Variants in SYNDIG1L observed in about 807,000 individuals in gnomAD.
SYNDIG1L encodes synapse differentiation inducing 1 like.
Under a neutral mutation model 20.1 loss-of-function variants are expected in SYNDIG1L, and 13 were observed. The ratio of observed to expected loss-of-function variants is 0.65; its 90% CI spans 0.42 to 1.03. SYNDIG1L has a LOEUF of 1.03. Ranked by LOEUF, SYNDIG1L falls within the 50% of genes least tolerant of loss-of-function variation. The pLI is 0.00. For missense variants in SYNDIG1L, 294 were observed against 305.1 expected (o/e 0.96, Z 0.27); for synonymous variants, 128 against 129.3 (o/e 0.99, Z 0.07).
In SYNDIG1L at chr14:74,407,628, G is replaced by A. The variant is rs367699987; in HGVS notation, c.624C>T (p.Phe208=). The change falls in exon 4 of 4, where the codon TTC becomes TTT. Residue 208 remains phenylalanine, a synonymous_variant. Coordinates refer to ENST00000331628, the MANE Select transcript of SYNDIG1L (RefSeq NM_001105579.2). The part of the protein sequence containing the change: ...LASTTSRRAL[F]LATLAIAVGA... Reference sequence around the variant, plus strand: ...CCACGGCGATGGCGAGTGTGGCTAGGAAGAGGGCCCGGCGGGAGGTGGTGC... The same window carrying A: ...CCACGGCGATGGCGAGTGTGGCTAGAAAGAGGGCCCGGCGGGAGGTGGTGC... 687 of 1,614,032 alleles carry A rather than the reference G, an allele frequency of 4.3e-4. 2 individuals are homozygous for A. The South Asian group carries it at 6.9e-3, about 16-fold the overall frequency.
rs774583740 is a variant in SYNDIG1L, at chr14:74,409,391, C to A, written c.354G>T (p.Gln118His). ...PGQAAENVTIQTVSYGVQEEL... is the reference protein window; with the variant it reads ...PGQAAENVTIHTVSYGVQEEL... ...CCTCTTGTACCCCATAGGACACAGT[C>A]TGGATGGTGACATTCTCTGCAGCTT... Residue 118 changes from glutamine to histidine, a missense_variant, in exon 2 of 4, where the codon CAG (glutamine) becomes CAT (histidine). Gln to His is a conservative substitution (Grantham distance 24, BLOSUM62 0). Coordinates refer to ENST00000331628, the MANE Select transcript of SYNDIG1L (RefSeq NM_001105579.2). 6.8e-6 allele frequency: 11 copies of A among 1,612,564 alleles called. No individual in the cohort carries two copies. The highest frequency in any genetic ancestry group is 9.3e-6 in the Non-Finnish European group (11 of 1,179,468).
the SYNDIG1L span, among the ~76,000 whole-genome samples, chr14:74,437,952 A>G: frequency 5.3e-5 from 8 of 152,314 alleles, no homozygotes; most frequent in South Asian, 1.7e-3. Context: ...AATGATAGAA[A>G]GAAGCTGGGA....
rs760974046 is a variant in SYNDIG1L at position 74,407,661 on chromosome 14, G to T, written c.591C>A (p.Arg197=). 1 of 1,612,362 alleles carries T rather than the reference G, an allele frequency of 6.2e-7. No homozygotes were observed. Among genetic ancestry groups the T allele is most frequent in the East Asian group, 2.2e-5 (1 of 44,874 alleles). ...TSKAISKGDF[R]LASTTSRRAL... is the part of the protein sequence containing the mutation. Reference sequence around the variant, plus strand: ...CCCGGCGGGAGGTGGTGCTGGCCAGGCGGAAGTCCCCTTTGGAGATGGCCT... The same window carrying T: ...CCCGGCGGGAGGTGGTGCTGGCCAGTCGGAAGTCCCCTTTGGAGATGGCCT... The change falls in exon 4 of 4, where the codon CGC becomes CGA. Residue 197 remains arginine (R), a synonymous_variant. Coordinates refer to ENST00000331628, the MANE Select transcript of SYNDIG1L (RefSeq NM_001105579.2).
At chr14:74,426,509 A>C (rs957783488), upstream of SYNDIG1L, among the ~76,000 whole-genome samples, 1 of 152,160 alleles carries the variant, frequency 6.6e-6, no homozygotes, top group African/African-American at 2.4e-5. Flanking sequence ...TTCTTGAAGC[A>C]TTTTGGAGCT....
chr14:74,452,316 C>T, the SYNDIG1L span, among the ~76,000 whole-genome samples: 1 of 152,126 alleles, frequency 6.6e-6, no homozygotes, highest in Admixed American at 6.5e-5. Context: ...TGTGTCCCCA[C>T]CCAAGTCTCA....
intron 1 of SYNDIG1L, among the ~76,000 whole-genome samples, chr14:74,419,690 G>C (rs2086206144): frequency 6.6e-6 from 1 of 152,236 alleles, no homozygotes; most frequent in Non-Finnish European, 1.5e-5. Flanking sequence ...TGGGTGCATT[G>C]ATAAGGGACC....
At chr14:74,446,367 A>G in the SYNDIG1L span, among the ~76,000 whole-genome samples, 12 of 152,200 alleles carry the variant, frequency 7.9e-5, no homozygotes. Flanking sequence ...AAAATTAATG[A>G]TAGAGAATAT....
chr14:74,418,694 G>C (rs1360967754), intron 1 of SYNDIG1L, among the ~76,000 whole-genome samples: 2 of 152,166 alleles, frequency 1.3e-5, no homozygotes, highest in African/African-American at 4.8e-5. Flanking sequence ...CTCGCTCTTG[G>C]AATCTTGAGC....
intron 1 of SYNDIG1L, among the ~76,000 whole-genome samples, chr14:74,410,997 T>C (rs2139621511): frequency 6.6e-6 from 1 of 152,190 alleles, no homozygotes; most frequent in Non-Finnish European, 1.5e-5. Context: ...TGGGAAGCCA[T>C]AAACCCCCCC....
the SYNDIG1L span, among the ~76,000 whole-genome samples, chr14:74,435,061 C>T: frequency 9.0e-6 from 1 of 111,142 alleles, no homozygotes; most frequent in East Asian, 2.8e-4. Flanking sequence ...CCAGCCTGGG[C>T]AACAGAGTGA....
At chr14:74,413,554 C>T (rs898017786) in intron 1 of SYNDIG1L, among the ~76,000 whole-genome samples, 4 of 150,766 alleles carry the variant, frequency 2.7e-5, no homozygotes, top group African/African-American at 9.8e-5. Context: ...GGTGGGAGCA[C>T]AGGTGCTTTT....
the SYNDIG1L span, among the ~76,000 whole-genome samples, chr14:74,470,672 TC>T: frequency 6.6e-6 from 1 of 152,174 alleles, no homozygotes; most frequent in Non-Finnish European, 1.5e-5. Flanking sequence ...GAACACTGTC[TC>T]CTCCATCTCA....
At chr14:74,433,571 G>T in the SYNDIG1L span, among the ~76,000 whole-genome samples, 2 of 152,060 alleles carry the variant, frequency 1.3e-5, no homozygotes, top group African/African-American at 2.4e-5. Context: ...TTTTAGTAGA[G>T]GCGGTGTTTC....
intron 1 of SYNDIG1L, among the ~76,000 whole-genome samples, chr14:74,421,751 A>G (rs2086223258): frequency 6.6e-6 from 1 of 152,168 alleles, no homozygotes; most frequent in Non-Finnish European, 1.5e-5. Flanking sequence ...GGAGAGAGAG[A>G]AGAGGAGGGA....
At chr14:74,434,830 C>G in the SYNDIG1L span, among the ~76,000 whole-genome samples, 1 of 151,356 alleles carries the variant, frequency 6.6e-6, no homozygotes, top group East Asian at 1.9e-4. Flanking sequence ...ACCTGTAATC[C>G]CAGCACTTTG....
At chr14:74,475,281 C>T in the SYNDIG1L span, among the ~76,000 whole-genome samples, 2 of 151,304 alleles carry the variant, frequency 1.3e-5, no homozygotes, top group African/African-American at 4.9e-5. Context: ...GCACTGAGCA[C>T]TTTGCATCCC....
chr14:74,448,066 G>T, the SYNDIG1L span, among the ~76,000 whole-genome samples: 21 of 152,060 alleles, frequency 1.4e-4, no homozygotes, highest in Non-Finnish European at 2.5e-4. Flanking sequence ...ATTTAATTAA[G>T]TCTAAAGAAG....
At chr14:74,432,008 G>A in the SYNDIG1L span, among the ~76,000 whole-genome samples, 1 of 152,118 alleles carries the variant, frequency 6.6e-6, no homozygotes, top group South Asian at 2.1e-4. Flanking sequence ...CACCACCCTG[G>A]GGGCTAGCAG....
the SYNDIG1L span, among the ~76,000 whole-genome samples, chr14:74,445,227 C>T: frequency 3.3e-5 from 5 of 152,094 alleles, no homozygotes; most frequent in Non-Finnish European, 1.5e-5. Context: ...TGATTGTAAG[C>T]TTCCTGAGGC....
Sources: allele counts gnomAD v4.1 joint callset (sites outside exome capture counted in the v4.1 genomes callset), GRCh38; gene constraint gnomAD v4.1.1; transcripts MANE v1.5; gene names NCBI Gene and HGNC (gene_info 2026-07-23, HGNC 2026-07-21).